Variants in PIP5K1B observed in about 807,000 individuals in gnomAD.
PIP5K1B encodes the protein phosphatidylinositol-4-phosphate 5-kinase type 1 beta.
Under a neutral mutation model 67.0 loss-of-function variants are expected in PIP5K1B, and 42 were observed. That is an observed-to-expected ratio of 0.63 (90% CI 0.49 to 0.81). PIP5K1B has a LOEUF of 0.81. PIP5K1B is among the 30% of genes least tolerant of loss of function. PIP5K1B has a pLI of 0.00. For missense variants in PIP5K1B, 459 were observed against 646.3 expected (o/e 0.71, Z 3.14); for synonymous variants, 214 against 231.4 (o/e 0.92, Z 0.68).
intron 8 of PIP5K1B, among the ~76,000 whole-genome samples, chr9:68,896,078 A>G (rs1163199589): frequency 6.6e-6 from 1 of 152,248 alleles, no homozygotes; most frequent in Non-Finnish European, 1.5e-5. Flanking sequence ...AAAAACGTCC[A>G]GCAGATATTC....
At chr9:68,893,090 A>G (rs1271147951) in intron 7 of PIP5K1B, among the ~76,000 whole-genome samples, 3 of 152,040 alleles carry the variant, frequency 2.0e-5, no homozygotes, top group African/African-American at 7.2e-5. Flanking sequence ...ATTAAAAAAA[A>G]AAATTTAAGG....
chr9:68,812,099 C>T (rs946472704), intron 2 of PIP5K1B, among the ~76,000 whole-genome samples: 2 of 152,168 alleles, frequency 1.3e-5, no homozygotes, highest in Non-Finnish European at 2.9e-5. Flanking sequence ...CAACTAAGGG[C>T]GTCACTTTTA....
intron 14 of PIP5K1B, among the ~76,000 whole-genome samples, chr9:68,949,764 T>G (rs572285459): frequency 5.3e-5 from 8 of 152,164 alleles, no homozygotes; most frequent in Non-Finnish European, 1.0e-4. Context: ...TCAGAGAGAC[T>G]CCAGCGCCGA....
chr9:68,749,710 A>G (rs1019839257), intron 2 of PIP5K1B, among the ~76,000 whole-genome samples: 1 of 152,188 alleles, frequency 6.6e-6, no homozygotes, highest in African/African-American at 2.4e-5. Context: ...CCTCGGCACT[A>G]ATGACACTTA....
At chr9:68,921,810 T>C (rs1826419850) in intron 11 of PIP5K1B, among the ~76,000 whole-genome samples, 8 of 152,146 alleles carry the variant, frequency 5.3e-5, no homozygotes, top group Admixed American at 2.6e-4. Context: ...AAGATCGTGC[T>C]ACTGCACTCC....
chr9:68,909,869 G>C (rs911283233), intron 8 of PIP5K1B, among the ~76,000 whole-genome samples: 1 of 152,126 alleles, frequency 6.6e-6, no homozygotes, highest in Non-Finnish European at 1.5e-5. Context: ...GGTAAAATGG[G>C]GATGTTCTAA....
intron 2 of PIP5K1B, chr9:68,782,782 C>T (rs1470842501): frequency 1.8e-5 from 3 of 167,060 alleles, no homozygotes; most frequent in Non-Finnish European, 2.9e-5. Context: ...GGTAACTTGC[C>T]CTGCCTCCAG....
intron 14 of PIP5K1B, among the ~76,000 whole-genome samples, chr9:68,970,950 C>T (rs1191052260): frequency 6.6e-6 from 1 of 152,184 alleles, no homozygotes; most frequent in African/African-American, 2.4e-5. Context: ...TCAAATTTTG[C>T]AAGCCAGTTG....
At position 68,954,457 on chromosome 9, in the gene PIP5K1B, G is replaced by T. The variant is rs113850938; in HGVS notation, c.1502+13667G>T. Among the ~76,000 whole-genome samples, 819 of 152,290 alleles carry T rather than the reference G, an allele frequency of 5.4e-3. 1 individual carries two copies. The highest frequency in any genetic ancestry group is 8.5e-3 in the Non-Finnish European group (580 of 68,024). On this transcript the variant is annotated intron_variant, in intron 14 of 15. Transcript: ENST00000265382. ...TGCAGCATAACTTAATAGCAAAAGT[G>T]GAGCTAAGACCTACAATTCCTGACT...
intron 2 of PIP5K1B, among the ~76,000 whole-genome samples, chr9:68,764,074 C>CTTTTTT (rs72304177): frequency 5.4e-5 from 4 of 73,516 alleles, no homozygotes; most frequent in Admixed American, 1.7e-4. Flanking sequence ...ACTATAACTT[C>CTTTTTT]TTTTTTTTTT....
chr9:68,864,361 A>G (rs543092518), intron 5 of PIP5K1B, among the ~76,000 whole-genome samples: 6 of 152,348 alleles, frequency 3.9e-5, no homozygotes, highest in South Asian at 2.1e-4. Flanking sequence ...ATTTAAAAGC[A>G]TGGGCTGGTA....
intron 5 of PIP5K1B, among the ~76,000 whole-genome samples, chr9:68,871,408 T>A (rs1472653380): frequency 6.6e-6 from 1 of 152,240 alleles, no homozygotes; most frequent in Non-Finnish European, 1.5e-5. Context: ...ATGATTTATC[T>A]GCTAAATGGG....
intron 4 of PIP5K1B, among the ~76,000 whole-genome samples, chr9:68,831,185 GA>G (rs1280369058): frequency 1.3e-5 from 2 of 152,188 alleles, no homozygotes; most frequent in Non-Finnish European, 2.9e-5. Flanking sequence ...ATCATTGGCT[GA>G]TGGAAGAATG....
At chr9:68,706,511 G>A (rs1827133450) in intron 1 of PIP5K1B, among the ~76,000 whole-genome samples, 1 of 152,186 alleles carries the variant, frequency 6.6e-6, no homozygotes, top group Non-Finnish European at 1.5e-5. Flanking sequence ...TGGCTGAGTA[G>A]AAACCTATTC....
chr9:68,942,628 C>G (rs1014043896), intron 14 of PIP5K1B, among the ~76,000 whole-genome samples: 1 of 152,182 alleles, frequency 6.6e-6, no homozygotes, highest in Non-Finnish European at 1.5e-5. Flanking sequence ...CCTCCGCATG[C>G]TCCCAGAGCT....
At chr9:68,763,050 C>G (rs1412986) in intron 2 of PIP5K1B, among the ~76,000 whole-genome samples, 1 of 151,774 alleles carries the variant, frequency 6.6e-6, no homozygotes, top group Non-Finnish European at 1.5e-5. Flanking sequence ...TGGGTACATA[C>G]GGTAATAAGA....
intron 14 of PIP5K1B, chr9:68,963,372 G>T: frequency 2.9e-6 from 1 of 350,028 alleles, no homozygotes; most frequent in Admixed American, 3.3e-5. Context: ...GCGTGGTGGT[G>T]CATGCCTGTA....
chr9:68,817,632 T>C (rs1313558073), intron 2 of PIP5K1B, among the ~76,000 whole-genome samples: 1 of 151,592 alleles, frequency 6.6e-6, no homozygotes, highest in Non-Finnish European at 1.5e-5. Context: ...TGAAAAAGCA[T>C]AGGGAAGATT....
chr9:68,817,991 C>A (rs915546168), intron 2 of PIP5K1B, among the ~76,000 whole-genome samples: 1 of 152,124 alleles, frequency 6.6e-6, no homozygotes, highest in Admixed American at 6.5e-5. Flanking sequence ...CTAATCAACC[C>A]TTATGGAAAT....
Sources: gnomAD v4.1 joint callset for allele counts (sites outside exome capture counted in the v4.1 genomes callset) on GRCh38, gnomAD v4.1.1 for gene constraint, MANE v1.5 for transcripts, NCBI Gene and HGNC (gene_info 2026-07-23, HGNC 2026-07-21) for gene names.